CSMD3: variants seen among roughly 807,000 people sequenced by gnomAD.
The protein encoded by CSMD3 is CUB and sushi domain-containing protein 3.
A neutral mutation model predicts 435.2 loss-of-function variants in CSMD3; 177 were observed. The ratio of observed to expected loss-of-function variants is 0.41; its 90% CI spans 0.36 to 0.46. CSMD3 has a LOEUF of 0.46. CSMD3 is among the 20% of genes least tolerant of loss of function. The pLI, the probability that CSMD3 is intolerant of heterozygous loss-of-function variation, is 0.34. For synonymous variants in CSMD3, 1,656 were observed against 1,520.5 expected (o/e 1.09, Z -2.07); for missense variants, 4,265 against 4,504.6 (o/e 0.95, Z 1.52).
chr8:112,966,522 C>A, intron 7 of CSMD3, among the ~76,000 whole-genome samples: 1 of 149,826 alleles, frequency 6.7e-6, no homozygotes, highest in Middle Eastern at 3.2e-3. Flanking sequence ...CTCCATCTAT[C>A]AACCTTTCAG....
intron 32 of CSMD3, among the ~76,000 whole-genome samples, chr8:112,423,923 G>A (rs2130314844): frequency 6.6e-6 from 1 of 152,156 alleles, no homozygotes; most frequent in African/African-American, 2.4e-5. Flanking sequence ...TGTGAAGTAT[G>A]GAATCGTTTT....
intron 12 of CSMD3, among the ~76,000 whole-genome samples, chr8:112,823,411 T>C (rs993761282): frequency 6.6e-6 from 1 of 151,996 alleles, no homozygotes; most frequent in East Asian, 1.9e-4. Context: ...AATTGTGATG[T>C]CAGGGTGTCA....
intron 5 of CSMD3, among the ~76,000 whole-genome samples, chr8:113,024,363 T>C (rs2086796371): frequency 6.6e-6 from 1 of 151,248 alleles, no homozygotes; most frequent in African/African-American, 2.4e-5. Flanking sequence ...TCATACATCA[T>C]TGGACACTTA....
At chr8:112,887,739 C>CAAAA (rs5894115) in intron 10 of CSMD3, among the ~76,000 whole-genome samples, 1 of 145,784 alleles carries the variant, frequency 6.9e-6, no homozygotes, top group Admixed American at 6.8e-5. Flanking sequence ...AGTCTTTATG[C>CAAAA]AAAAAAAAAA....
At chr8:112,618,175 A>T (rs1292898339) in intron 22 of CSMD3, among the ~76,000 whole-genome samples, 2 of 152,248 alleles carry the variant, frequency 1.3e-5, no homozygotes, top group South Asian at 4.1e-4. Context: ...AGTAAGATTT[A>T]GTGTGATTCA....
At chr8:113,012,515 G>T (rs2086292930) in intron 6 of CSMD3, among the ~76,000 whole-genome samples, 1 of 151,944 alleles carries the variant, frequency 6.6e-6, no homozygotes, top group Non-Finnish European at 1.5e-5. Flanking sequence ...GATTATGAAG[G>T]CGGTTTCCCC....
At chr8:112,245,054 TTAAA>T (rs1392576331) in intron 64 of CSMD3, among the ~76,000 whole-genome samples, 5 of 152,008 alleles carry the variant, frequency 3.3e-5, no homozygotes, top group African/African-American at 9.7e-5. Flanking sequence ...TTTTCTATTG[TTAAA>T]TAAAACCACA....
chr8:113,165,633 G>A (rs770857896), intron 4 of CSMD3, among the ~76,000 whole-genome samples: 5 of 151,820 alleles, frequency 3.3e-5, no homozygotes, highest in Admixed American at 1.3e-4. Flanking sequence ...TCATTCCATC[G>A]AAGAAATAAA....
intron 12 of CSMD3, among the ~76,000 whole-genome samples, chr8:112,812,008 C>T (rs1037293829): frequency 6.6e-6 from 1 of 152,088 alleles, no homozygotes; most frequent in Non-Finnish European, 1.5e-5. Context: ...CTTTAAATAG[C>T]TGTGTTACAG....
intron 4 of CSMD3, among the ~76,000 whole-genome samples, chr8:113,115,239 T>A (rs1200265200): frequency 6.6e-6 from 1 of 152,252 alleles, no homozygotes; most frequent in Non-Finnish European, 1.5e-5. Flanking sequence ...GTGAGACATC[T>A]CACACTACAT....
chr8:112,909,495 A>C (rs1406206607), intron 10 of CSMD3, among the ~76,000 whole-genome samples: 1 of 151,852 alleles, frequency 6.6e-6, no homozygotes, highest in Non-Finnish European at 1.5e-5. Flanking sequence ...TAACATACAA[A>C]AGGAAAGGGA....
At chr8:113,207,801 C>A (rs1450484772) in intron 3 of CSMD3, among the ~76,000 whole-genome samples, 1 of 151,952 alleles carries the variant, frequency 6.6e-6, no homozygotes, top group Non-Finnish European at 1.5e-5. Context: ...AGGATCCAGG[C>A]AAAGATAAAC....
At chr8:112,647,926 A>G (rs1488455926) in intron 19 of CSMD3, among the ~76,000 whole-genome samples, 3 of 152,212 alleles carry the variant, frequency 2.0e-5, no homozygotes, top group Non-Finnish European at 4.4e-5. Flanking sequence ...AGGCACCTGT[A>G]GCAGTATCAG....
intron 50 of CSMD3, among the ~76,000 whole-genome samples, chr8:112,307,047 A>AT (rs1821490523): frequency 1.3e-5 from 2 of 151,874 alleles, no homozygotes; most frequent in South Asian, 4.1e-4. Context: ...AAAAAAACAC[A>AT]TAATCTTTCA....
intron 4 of CSMD3, among the ~76,000 whole-genome samples, chr8:113,113,659 A>G (rs945172482): frequency 6.6e-6 from 1 of 152,198 alleles, no homozygotes; most frequent in Non-Finnish European, 1.5e-5. Flanking sequence ...CTGTCTCACA[A>G]TACTTGCAAT....
chr8:112,738,059 C>T (rs984236763), intron 13 of CSMD3, among the ~76,000 whole-genome samples: 1 of 151,716 alleles, frequency 6.6e-6, no homozygotes, highest in African/African-American at 2.4e-5. Flanking sequence ...AACATGTAAG[C>T]ACACAGTGAT....
chr8:113,302,481 C>T (rs1315650762), intron 2 of CSMD3, among the ~76,000 whole-genome samples: 1 of 150,782 alleles, frequency 6.6e-6, no homozygotes, highest in Non-Finnish European at 1.5e-5. Flanking sequence ...ATTAACACAA[C>T]TAAATGAATT....
intron 21 of CSMD3, among the ~76,000 whole-genome samples, 196 bp from the exon 22 acceptor site, chr8:112,637,201 A>T (rs190346513): frequency 1.3e-5 from 2 of 152,302 alleles, no homozygotes; most frequent in East Asian, 3.9e-4. Flanking sequence ...TAACTTGATA[A>T]ATATTTGTAT....
chr8:113,066,433 G>A (rs2088863180), intron 5 of CSMD3, among the ~76,000 whole-genome samples: 1 of 152,014 alleles, frequency 6.6e-6, no homozygotes, highest in African/African-American at 2.4e-5. Context: ...AGAATGATTA[G>A]ATCGACTACC....
Sources: gnomAD v4.1 joint callset for allele counts (sites outside exome capture counted in the v4.1 genomes callset) on GRCh38, gnomAD v4.1.1 for gene constraint, MANE v1.5 for transcripts, NCBI Gene and HGNC (gene_info 2026-07-23, HGNC 2026-07-21) for gene names.